KCNC2: variants seen among roughly 807,000 people sequenced by gnomAD.
KCNC2 encodes the protein voltage-gated potassium channel KCNC2.
KCNC2 carries 21 observed loss-of-function variants against 44.5 expected under a neutral mutation model. The observed-to-expected ratio is 0.47, with a 90% CI of 0.33 to 0.68. The LOEUF is 0.68. Ranked by LOEUF, KCNC2 falls within the 30% of genes least tolerant of loss-of-function variation. The pLI is 0.01. For missense variants in KCNC2, 589 were observed against 826.2 expected, an observed-to-expected ratio of 0.71 and a Z score of 3.52; for synonymous variants, 391 against 339.1, an observed-to-expected ratio of 1.15 and a Z score of -1.68.
chr12:75,169,591 T>C, intron 2 of KCNC2, among the ~76,000 whole-genome samples: 1 of 151,166 alleles, frequency 6.6e-6, no homozygotes, highest in African/African-American at 2.4e-5. Context: ...TGGTAATGTA[T>C]AATGTCCTAT....
chr12:75,151,933 A>T (rs1890425334), intron 2 of KCNC2, among the ~76,000 whole-genome samples: 1 of 146,704 alleles, frequency 6.8e-6, no homozygotes, highest in South Asian at 2.1e-4. Context: ...AATATATTAT[A>T]TATTATACAT....
Position 75,041,966 on chromosome 12 carries a change from A to C in KCNC2, c.*1139T>G. On this transcript the variant is annotated 3_prime_UTR_variant, in exon 5 of 5. Coordinates refer to ENST00000549446, the MANE Select transcript of KCNC2 (RefSeq NM_139137.4). The stretch of plus-strand genomic sequence containing the variant: ...CATATACAGGAAAGACAGGGAGCTA[A>C]GACAGACAAGAACAACATACAGGAC... 24 of 1,021,010 alleles carry C rather than the reference A, an allele frequency of 2.4e-5. No homozygotes were observed. Among genetic ancestry groups the C allele is most frequent in the Non-Finnish European group, 2.8e-5 (24 of 853,744 alleles). The allele number at this position is 1,021,010 out of a possible 1,614,324, so 63.2% of individuals were successfully genotyped here.
At chr12:75,184,389 C>A (rs1281623110) in intron 2 of KCNC2, among the ~76,000 whole-genome samples, 1 of 152,158 alleles carries the variant, frequency 6.6e-6, no homozygotes, top group African/African-American at 2.4e-5. Flanking sequence ...TGTGGGTTGG[C>A]TAGATAAGTA....
At chr12:75,069,589 T>G (rs1883196463) in intron 2 of KCNC2, among the ~76,000 whole-genome samples, 2 of 152,156 alleles carry the variant, frequency 1.3e-5, no homozygotes. Flanking sequence ...TATAGAGATC[T>G]TACTCCAGTT....
intron 2 of KCNC2, among the ~76,000 whole-genome samples, chr12:75,149,394 C>T (rs572140952): frequency 6.6e-6 from 1 of 151,650 alleles, no homozygotes; most frequent in Non-Finnish European, 1.5e-5. Context: ...TACATATTTG[C>T]CTTCCCTCCA....
chr12:75,190,087 TATCTC>T (rs1281974455), intron 2 of KCNC2, among the ~76,000 whole-genome samples: 11 of 152,206 alleles, frequency 7.2e-5, no homozygotes, highest in Non-Finnish European at 1.5e-4. Flanking sequence ...TTAAATATGT[TATCTC>T]ATCTAATCCT....
At chr12:75,060,426 G>A (rs1044184411) in intron 2 of KCNC2, among the ~76,000 whole-genome samples, 1 of 151,836 alleles carries the variant, frequency 6.6e-6, no homozygotes, top group African/African-American at 2.4e-5. Flanking sequence ...ATACTTTAAT[G>A]GCTCCCAACT....
intron 2 of KCNC2, among the ~76,000 whole-genome samples, chr12:75,205,347 G>A (rs1432648302): frequency 6.7e-6 from 1 of 148,586 alleles, no homozygotes; most frequent in African/African-American, 2.5e-5. Flanking sequence ...AGCTGATTCT[G>A]CTTCTACTTG....
intron 2 of KCNC2, among the ~76,000 whole-genome samples, chr12:75,197,202 G>C (rs901852516): frequency 4.6e-5 from 7 of 152,122 alleles, no homozygotes; most frequent in Non-Finnish European, 8.8e-5. Flanking sequence ...CCTGGACTGA[G>C]AGTCTTACAT....
chr12:75,187,658 A>G (rs1448932035), intron 2 of KCNC2, among the ~76,000 whole-genome samples: 1 of 152,202 alleles, frequency 6.6e-6, no homozygotes, highest in African/African-American at 2.4e-5. Context: ...TACTTGGAAT[A>G]CATTATGGAG....
intron 2 of KCNC2, among the ~76,000 whole-genome samples, chr12:75,171,631 G>A (rs955744498): frequency 5.9e-5 from 9 of 151,830 alleles, no homozygotes; most frequent in Non-Finnish European, 8.8e-5. Flanking sequence ...GGCTAGTGGG[G>A]AGGGAGGAAT....
Position 75,207,171 on chromosome 12 carries a change from T to C in KCNC2, c.687+126A>G. The C allele has an allele frequency of 6.9e-7, 1 of 1,439,038 alleles. No homozygotes were observed. The highest frequency in any genetic ancestry group is 1.4e-5 in the African/African-American group (1 of 69,136). The allele number at this position is 1,439,038 out of a possible 1,614,324, so 89.1% of individuals were successfully genotyped here. A position where few individuals can be genotyped will look rare whatever the true frequency, so the allele number is the denominator to read the frequency against. ...TGCAAAGGATGAGCCTCTAACTGTA[T>C]CGCTAGGAAATCCCGGGTCTCTTCT... On this transcript the variant is annotated intron_variant, in intron 2 of 4. Transcript: ENST00000549446. The surrounding 1 kb of genome is among the most constrained non-coding windows in gnomAD (Gnocchi z 4.1).
intron 2 of KCNC2, among the ~76,000 whole-genome samples, chr12:75,191,838 C>T (rs942144996): frequency 7.2e-5 from 11 of 151,912 alleles, no homozygotes; most frequent in Admixed American, 4.6e-4. Flanking sequence ...CGTGAGCCAC[C>T]GCGCCCGGCC....
At position 75,051,270 on chromosome 12, in the gene KCNC2, A is replaced by C; in HGVS notation, c.735T>G (p.Thr245=). The part of the protein sequence containing the change: ...SLFFILVSIT[T]FCLETHEAFN... ...AAGCTTCATGTGTTTCCAGGCAAAAAGTTGTAATTGAAACCAGGATGAAGA... is the reference window on the plus strand; with the variant it reads ...AAGCTTCATGTGTTTCCAGGCAAAACGTTGTAATTGAAACCAGGATGAAGA... Residue 245 remains threonine, a synonymous_variant, in exon 3 of 5, where the codon ACT becomes ACG. Transcript: ENST00000549446. The C allele has an allele frequency of 6.2e-7, 1 of 1,601,630 alleles. No individual in the cohort carries two copies. The highest frequency in any genetic ancestry group is 8.5e-7 in the Non-Finnish European group (1 of 1,170,276).
intron 2 of KCNC2, among the ~76,000 whole-genome samples, chr12:75,069,129 C>CTTTTGTTT (rs1883129165): frequency 1.6e-5 from 1 of 63,648 alleles, no homozygotes; most frequent in African/African-American, 6.0e-5. Flanking sequence ...TTTATATAAT[C>CTTTTGTTT]TTTTTTTTTT....
intron 2 of KCNC2, among the ~76,000 whole-genome samples, chr12:75,104,951 A>G (rs2137199894): frequency 6.6e-6 from 1 of 152,146 alleles, no homozygotes; most frequent in East Asian, 1.9e-4. Flanking sequence ...TTTTTTTAGT[A>G]TCTCCCATGT....
At chr12:75,102,873 A>G (rs1334259257) in intron 2 of KCNC2, among the ~76,000 whole-genome samples, 1 of 152,108 alleles carries the variant, frequency 6.6e-6, no homozygotes, top group Non-Finnish European at 1.5e-5. Flanking sequence ...CTTCAATCTT[A>G]CAATAAGATA....
chr12:75,147,253 T>C (rs1890088832), intron 2 of KCNC2, among the ~76,000 whole-genome samples: 1 of 152,042 alleles, frequency 6.6e-6, no homozygotes, highest in Admixed American at 6.6e-5. Context: ...AAACATGAAA[T>C]TTTATACATT....
At chr12:75,158,207 A>C (rs1225385263) in intron 2 of KCNC2, among the ~76,000 whole-genome samples, 3 of 151,926 alleles carry the variant, frequency 2.0e-5, no homozygotes, top group Non-Finnish European at 2.9e-5. Context: ...CAAGTTGTGA[A>C]ATATAACAGT....
Sources: gnomAD v4.1 joint callset for allele counts (sites outside exome capture counted in the v4.1 genomes callset) on GRCh38, gnomAD v4.1.1 for gene constraint, Gnocchi (gnomAD v3.1) non-coding constraint, MANE v1.5 for transcripts, NCBI Gene and HGNC (gene_info 2026-07-23, HGNC 2026-07-21) for gene names.